The following SOBP variants were observed in gnomAD, a reference collection of about 807,000 sequenced individuals.
SOBP encodes the protein sine oculis-binding protein homolog.
SOBP carries 4 observed loss-of-function variants against 53.6 expected under a neutral mutation model. The ratio of observed to expected loss-of-function variants is 0.07; its 90% confidence interval spans 0.04 to 0.17. The LOEUF (loss-of-function observed/expected upper bound fraction) is 0.17. SOBP is among the 10% of genes least tolerant of loss of function. The probability of loss-of-function intolerance (pLI) is 1.00; values close to 1 mark genes in which losing one functional copy is unlikely to be tolerated. For synonymous variants in SOBP, 584 were observed against 522.6 expected (o/e 1.12, Z -1.60); for missense variants, 1,088 against 1,204.7 (o/e 0.90, Z 1.43).
rs1204921687 is a variant in SOBP, at chr6:107,523,333, G to A, written c.422-10126G>A. The stretch of plus-strand genomic sequence containing the variant: ...GTCTCTCAACCAATCTTTGCTCTAA[G>A]AAATCTAAATAAATATTTAAAGGTG... On this transcript the variant is annotated intron_variant, in intron 3 of 6. Transcript: ENST00000317357. Among the ~76,000 whole-genome samples, 5 of 152,342 alleles carry A rather than the reference G, an allele frequency of 3.3e-5. No homozygotes were observed. The East Asian group carries it at 9.6e-4, about 29-fold the overall frequency.
At chr6:107,599,310 G>A (rs1276178224) in intron 5 of SOBP, among the ~76,000 whole-genome samples, 1 of 152,116 alleles carries the variant, frequency 6.6e-6, no homozygotes, top group Non-Finnish European at 1.5e-5. Flanking sequence ...AACTAATAAA[G>A]ATAAATCCTT....
At chr6:107,588,364 T>A (rs1785632786) in intron 5 of SOBP, among the ~76,000 whole-genome samples, 1 of 152,232 alleles carries the variant, frequency 6.6e-6, no homozygotes, top group Non-Finnish European at 1.5e-5. Flanking sequence ...TTATTCTGTG[T>A]GTGTAGTCCC....
In SOBP at chr6:107,490,448, C is replaced by T; in HGVS notation, c.-169C>T. 1 of 589,996 alleles carries T rather than the reference C, an allele frequency of 1.7e-6. No individual in the cohort carries two copies. Among genetic ancestry groups the T allele is most frequent in the South Asian group, 1.9e-5 (1 of 53,106 alleles). The allele number at this position is 589,996 out of a possible 1,614,324, so 36.5% of individuals were successfully genotyped here. A position where few individuals can be genotyped will look rare whatever the true frequency, so the allele number is the denominator to read the frequency against. Reference sequence around the variant, plus strand: ...TCCTCCGCCGCTAGAAGAGACCCCGCTTCTCGGCGCCTGCCCTCCCCCTCG... The same window carrying T: ...TCCTCCGCCGCTAGAAGAGACCCCGTTTCTCGGCGCCTGCCCTCCCCCTCG... On this transcript the variant is annotated 5_prime_UTR_variant, in exon 1 of 7. Coordinates refer to ENST00000317357, the MANE Select transcript of SOBP (RefSeq NM_018013.4).
At chr6:107,585,996 G>A (rs1382016857) in intron 4 of SOBP, among the ~76,000 whole-genome samples, 1 of 152,152 alleles carries the variant, frequency 6.6e-6, no homozygotes, top group Non-Finnish European at 1.5e-5. Flanking sequence ...GTTCTCAGCT[G>A]TTCCCTTGGT....
chr6:107,523,484 G>A (rs988399089), intron 3 of SOBP, among the ~76,000 whole-genome samples: 1 of 152,182 alleles, frequency 6.6e-6, no homozygotes, highest in Non-Finnish European at 1.5e-5. Context: ...TGACTTTCTG[G>A]GTGTGACTAC....
Position 107,544,946 on chromosome 6 carries a change from G to C in SOBP, c.573+11336G>C, listed in dbSNP as rs575005453. Among the ~76,000 whole-genome samples the C allele has an allele frequency of 2.6e-5, 4 of 152,324 alleles. No individual in the cohort carries two copies. The South Asian group carries it at 8.3e-4, about 32-fold the overall frequency. ...CATTAATACTAAATCATTTCGGAGA[G>C]TATGCAGCTTGTAACTCTTGAAGGT... On this transcript the variant is annotated intron_variant, in intron 4 of 6. Transcript: ENST00000317357.
chr6:107,498,131 T>TA (rs1782746217), intron 1 of SOBP, among the ~76,000 whole-genome samples: 1 of 152,206 alleles, frequency 6.6e-6, no homozygotes, highest in Non-Finnish European at 1.5e-5. Context: ...AGGTGAGGCA[T>TA]AAAATGAAAT....
intron 5 of SOBP, among the ~76,000 whole-genome samples, chr6:107,608,959 C>T (rs1316599640): frequency 2.0e-5 from 3 of 152,120 alleles, no homozygotes; most frequent in Non-Finnish European, 4.4e-5. Context: ...TCTTTAATAC[C>T]ACTCCCCCGC....
chr6:107,592,718 G>A (rs966297604), intron 5 of SOBP, among the ~76,000 whole-genome samples: 2 of 152,170 alleles, frequency 1.3e-5, no homozygotes, highest in African/African-American at 4.8e-5. Context: ...AGCCCCACAA[G>A]TGTAAAATAA....
chr6:107,656,298 A>G (rs1772035598), intron 6 of SOBP, among the ~76,000 whole-genome samples: 1 of 14,266 alleles, frequency 7.0e-5, no homozygotes, highest in South Asian at 7.8e-3. Context: ...AAAGAAAGAA[A>G]GAAAGAAAGA....
In SOBP at chr6:107,612,585, AT is replaced by A. The variant is rs552796594; in HGVS notation, c.670-20920del. Among the ~76,000 whole-genome samples, 47 of 151,490 alleles carry A rather than the reference AT, an allele frequency of 3.1e-4. 1 individual carries two copies. The highest frequency in any genetic ancestry group is 1.5e-3 in the East Asian group (8 of 5,162). The stretch of plus-strand genomic sequence containing the variant: ...GTGGGGCCCAGGAATCTGTGGGCTA[AT>A]TTTTTTTTAATGTTGTAGTTATATA... On this transcript the variant is annotated intron_variant, in intron 5 of 6. Transcript: ENST00000317357.
chr6:107,600,130 CTAA>C (rs1786123735), intron 5 of SOBP, among the ~76,000 whole-genome samples: 1 of 152,186 alleles, frequency 6.6e-6, no homozygotes, highest in African/African-American at 2.4e-5. Context: ...CTTTCTGAGC[CTAA>C]TATACCTATT....
intron 5 of SOBP, among the ~76,000 whole-genome samples, chr6:107,591,977 T>C (rs1159543546): frequency 2.1e-5 from 2 of 95,514 alleles, no homozygotes; most frequent in East Asian, 1.3e-3. Context: ...TGTTTTTTTT[T>C]TTTTTTTTTT....
chr6:107,611,128 C>A (rs1469008462), intron 5 of SOBP, among the ~76,000 whole-genome samples: 1 of 152,218 alleles, frequency 6.6e-6, no homozygotes, highest in South Asian at 2.1e-4. Flanking sequence ...ATGGTTCTGC[C>A]CCTTGTAGCT....
intron 3 of SOBP, among the ~76,000 whole-genome samples, chr6:107,524,836 C>T (rs1002994586): frequency 6.6e-6 from 1 of 152,194 alleles, no homozygotes; most frequent in Non-Finnish European, 1.5e-5. Context: ...GGCAGTGGAG[C>T]AGCACGTTCC....
intron 3 of SOBP, among the ~76,000 whole-genome samples, chr6:107,515,585 C>T (rs909653768): frequency 4.6e-5 from 7 of 152,068 alleles, no homozygotes; most frequent in Non-Finnish European, 7.3e-5. Flanking sequence ...CCTGTCTCTA[C>T]TAAAAATACT....
chr6:107,502,962 T>C (rs1782881905), intron 1 of SOBP, among the ~76,000 whole-genome samples: 1 of 152,134 alleles, frequency 6.6e-6, no homozygotes, highest in South Asian at 2.1e-4. Flanking sequence ...GGTTTCACCA[T>C]GTTGCCCAGG....
At position 107,634,642 on chromosome 6, in the gene SOBP, G is replaced by C. The variant is rs1372072445; in HGVS notation, c.1798G>C (p.Gly600Arg). 16 of 1,570,866 alleles carry C rather than the reference G, an allele frequency of 1.0e-5. No homozygotes were observed. The highest frequency in any genetic ancestry group is 1.1e-5 in the Non-Finnish European group (13 of 1,164,906). ...GTCCAAGTCCGCGGACTCGCCCCCC[G>C]GCTGCTCGGGCCAGGCCCTGAGCCT... ...GSSKSADSPP[G>R]CSGQALSLAP... The change falls in exon 6 of 7, where the codon GGC becomes CGC. Residue 600 changes from glycine to arginine, a missense_variant. Gly to Arg is a moderately radical substitution (Grantham distance 125). Coordinates refer to ENST00000317357, the MANE Select transcript of SOBP (RefSeq NM_018013.4). The surrounding 1 kb of genome is among the most constrained non-coding windows in gnomAD (Gnocchi z 4.5).
At chr6:107,507,968 T>C (rs1783045901) in intron 3 of SOBP, among the ~76,000 whole-genome samples, 2 of 152,318 alleles carry the variant, frequency 1.3e-5, no homozygotes, top group South Asian at 4.1e-4. Flanking sequence ...TTAAATAATA[T>C]TGTATCTGGC....
Sources: allele counts gnomAD v4.1 joint callset (sites outside exome capture counted in the v4.1 genomes callset), GRCh38; gene constraint gnomAD v4.1.1; non-coding constraint Gnocchi (gnomAD v3.1); transcripts MANE v1.5; gene names NCBI Gene and HGNC (gene_info 2026-07-23, HGNC 2026-07-21).